The following PCDHA4 variants were observed in gnomAD, a reference collection of about 807,000 sequenced individuals.
PCDHA4 encodes the protein protocadherin alpha 4, also known as protocadherin alpha-4.
A neutral mutation model predicts 61.4 loss-of-function variants in PCDHA4; 49 were observed. That is an observed-to-expected ratio of 0.80 (90% CI 0.63 to 1.01). PCDHA4 has a LOEUF of 1.01. PCDHA4 is among the 50% of genes least tolerant of loss of function. The probability of loss-of-function intolerance (pLI) is 0.00; values close to 1 mark genes in which losing one functional copy is unlikely to be tolerated. For synonymous variants in PCDHA4, 590 were observed against 550.3 expected (o/e 1.07, Z -1.01); for missense variants, 1,254 against 1,235.8 (o/e 1.01, Z -0.22).
chr5:140,832,984 G>C (rs1373514352), intron 1 of PCDHA4, among the ~76,000 whole-genome samples: 1 of 152,156 alleles, frequency 6.6e-6, no homozygotes, highest in Non-Finnish European at 1.5e-5. Context: ...CTAGAAATGA[G>C]GAATAGTCCA....
At chr5:141,009,034 C>T (rs183192515) in intron 3 of PCDHA4, among the ~76,000 whole-genome samples, 64 of 152,344 alleles carry the variant, frequency 4.2e-4, no homozygotes, top group African/African-American at 1.5e-3. Context: ...TTTCCCATCC[C>T]GTTCCCAGTC....
chr5:140,863,548 T>C (rs1370374159), intron 1 of PCDHA4: 6 of 380,478 alleles, frequency 1.6e-5, no homozygotes, highest in South Asian at 4.1e-5. Context: ...TGGACTTCAA[T>C]AGGAAATTTT....
rs1554131556 is a variant in PCDHA4, at chr5:140,828,809, C to G, written c.2385+19237C>G. ...AGTGCTGGATGTGAATGATAATGCT[C>G]CCACTTTCGAACAGTCTGAATACGA... On this transcript the variant is annotated intron_variant, in intron 1 of 3. Coordinates refer to ENST00000530339, the MANE Select transcript of PCDHA4 (RefSeq NM_018907.4). The G allele has an allele frequency of 3.7e-6, 6 of 1,614,180 alleles. No individual in the cohort carries two copies. Among genetic ancestry groups the G allele is most frequent in the Non-Finnish European group, 5.1e-6 (6 of 1,180,034 alleles).
At chr5:140,879,910 T>C (rs2058174335) in intron 1 of PCDHA4, among the ~76,000 whole-genome samples, 1 of 152,194 alleles carries the variant, frequency 6.6e-6, no homozygotes, top group Non-Finnish European at 1.5e-5. Context: ...TCTCTATGTG[T>C]TGGTTTTACA....
At chr5:140,901,235 T>A (rs1554189665) in intron 1 of PCDHA4, among the ~76,000 whole-genome samples, 1 of 152,174 alleles carries the variant, frequency 6.6e-6, no homozygotes, top group African/African-American at 2.4e-5. Context: ...TATATCCATT[T>A]TTTTCCTTTG....
chr5:140,809,425 G>T lies in PCDHA4; in HGVS notation c.2238G>T (p.Gly746=). 1 of 1,614,230 alleles carries T rather than the reference G, an allele frequency of 6.2e-7. No homozygotes were observed. The highest frequency in any genetic ancestry group is 8.5e-7 in the Non-Finnish European group (1 of 1,180,026). ...CGCTGGTGTGCTCCAGTGCGGTGGGGAGCTGGTCATACTCGCAGCAGAGGA... is the reference window on the plus strand; with the variant it reads ...CGCTGGTGTGCTCCAGTGCGGTGGGTAGCTGGTCATACTCGCAGCAGAGGA... ...KPTLVCSSAV[G]SWSYSQQRRP... Residue 746 remains glycine, a synonymous_variant, in exon 1 of 4, where the codon GGG becomes GGT. Coordinates refer to ENST00000530339, the MANE Select transcript of PCDHA4 (RefSeq NM_018907.4).
chr5:140,835,574 G>T (rs1192023261), intron 1 of PCDHA4: 2 of 1,613,868 alleles, frequency 1.2e-6, no homozygotes, highest in Admixed American at 1.7e-5. Flanking sequence ...CCTTCAAGTT[G>T]GTGTCCACCT....
At position 140,856,397 on chromosome 5, in the gene PCDHA4, C is replaced by T. The variant is rs782776522; in HGVS notation, c.2385+46825C>T. On this transcript the variant is annotated intron_variant, in intron 1 of 3. Coordinates refer to ENST00000530339, the MANE Select transcript of PCDHA4 (RefSeq NM_018907.4). ...CGTGGACAGGCCGCTGCAGGTTTTC[C>T]ATGTGGACGTGGAAGTGAAGGACAT... 3.6e-5 allele frequency: 58 copies of T among 1,598,382 alleles called. 7 individuals carry two copies. In the Admixed American group the frequency reaches 4.9e-4, roughly 13 times the overall value.
intron 1 of PCDHA4, among the ~76,000 whole-genome samples, chr5:140,904,545 C>A (rs2071206893): frequency 6.6e-6 from 1 of 151,876 alleles, no homozygotes; most frequent in Admixed American, 6.6e-5. Context: ...GTATCTTTTT[C>A]ATATAATGAC....
chr5:140,871,036 C>G (rs781977409), intron 1 of PCDHA4: 3 of 1,613,274 alleles, frequency 1.9e-6, no homozygotes, highest in East Asian at 4.5e-5. Flanking sequence ...GCCGCGCCAC[C>G]GACTTCTAGT....
chr5:140,898,275 T>C (rs13181478), intron 1 of PCDHA4, among the ~76,000 whole-genome samples: 1 of 152,166 alleles, frequency 6.6e-6, no homozygotes, highest in Non-Finnish European at 1.5e-5. Context: ...ATGCCTAAGT[T>C]CTGAATGGTA....
chr5:140,834,675 C>A lies in PCDHA4; in HGVS notation c.2385+25103C>A, dbSNP rs1554134420. On this transcript the variant is annotated intron_variant, in intron 1 of 3. Transcript: ENST00000530339. ...GATCGACCGCGAGGAGCTGTGCGGG[C>A]GGAGCGCGGAGTGCAGCATCCACCT... is the stretch of plus-strand genomic sequence containing the variant. The A allele has an allele frequency of 1.9e-6, 3 of 1,614,206 alleles. No homozygotes were observed. In the African/African-American group the frequency reaches 4.0e-5, roughly 22 times the overall value.
chr5:140,938,025 C>A (rs1431326044), intron 1 of PCDHA4, among the ~76,000 whole-genome samples: 5 of 151,978 alleles, frequency 3.3e-5, no homozygotes, highest in Non-Finnish European at 7.4e-5. Context: ...AGTAAAATCT[C>A]ATATTTTTAT....
chr5:140,851,638 T>C, intron 1 of PCDHA4: 1 of 915,858 alleles, frequency 1.1e-6, no homozygotes, highest in Non-Finnish European at 1.3e-6. Flanking sequence ...AAGTGTTTCC[T>C]TTCTTCAAGA....
chr5:140,876,919 GA>G, intron 1 of PCDHA4: 2 of 1,613,952 alleles, frequency 1.2e-6, no homozygotes, highest in Non-Finnish European at 1.7e-6. Context: ...ATGGGACGCG[GA>G]CGCGCAGAAG....
intron 1 of PCDHA4, chr5:140,877,832 C>T (rs782156769): frequency 1.9e-6 from 3 of 1,591,692 alleles, no homozygotes; most frequent in African/African-American, 2.7e-5. Flanking sequence ...TTAAATCCTC[C>T]CAGTGAAGTA....
At chr5:140,861,307 G>T in intron 1 of PCDHA4, 2 of 192,584 alleles carry the variant, frequency 1.0e-5, no homozygotes, top group South Asian at 9.6e-5. Flanking sequence ...AAGCGGGAAA[G>T]GACCAGTTCC....
intron 1 of PCDHA4, among the ~76,000 whole-genome samples, chr5:140,911,105 G>A (rs960375597): frequency 3.2e-4 from 48 of 152,082 alleles, no homozygotes; most frequent in African/African-American, 1.2e-3. Flanking sequence ...CTGCCTCAGG[G>A]GAAGCCATCA....
At chr5:140,923,093 A>G (rs1372910044) in intron 1 of PCDHA4, among the ~76,000 whole-genome samples, 3 of 152,194 alleles carry the variant, frequency 2.0e-5, no homozygotes, top group Admixed American at 6.5e-5. Flanking sequence ...TATTTGACCA[A>G]TGGGAGTATG....
Sources: allele counts gnomAD v4.1 joint callset (sites outside exome capture counted in the v4.1 genomes callset), GRCh38; gene constraint gnomAD v4.1.1; transcripts MANE v1.5; gene names NCBI Gene and HGNC (gene_info 2026-07-23, HGNC 2026-07-21).